Variants in ERC2 observed in about 807,000 individuals in gnomAD.
ERC2 encodes the protein ELKS/RAB6-interacting/CAST family member 2.
A neutral mutation model predicts 114.8 loss-of-function variants in ERC2; 42 were observed. The ratio of observed to expected loss-of-function variants is 0.37; its 90% CI spans 0.29 to 0.47. The LOEUF (loss-of-function observed/expected upper bound fraction) is 0.47. Ranked by LOEUF, ERC2 falls within the 20% of genes least tolerant of loss-of-function variation. ERC2 has a pLI of 0.99. For missense variants in ERC2, 939 were observed against 1,150.7 expected (o/e 0.82, Z 2.66); for synonymous variants, 454 against 425.5 (o/e 1.07, Z -0.82).
intron 17 of ERC2, among the ~76,000 whole-genome samples, chr3:55,549,444 T>C (rs1173035692): frequency 1.3e-5 from 2 of 150,624 alleles, no homozygotes; most frequent in Admixed American, 6.6e-5. Flanking sequence ...TGAGACAATA[T>C]GGAAACCAGA....
chr3:56,112,712 C>T (rs2079028459), intron 6 of ERC2, among the ~76,000 whole-genome samples: 1 of 151,776 alleles, frequency 6.6e-6, no homozygotes, highest in African/African-American at 2.4e-5. Context: ...TAGGAGAAAA[C>T]CAGGAGGGAT....
intron 10 of ERC2, among the ~76,000 whole-genome samples, chr3:55,997,884 T>TGG (rs2071663304): frequency 3.6e-5 from 1 of 28,098 alleles, no homozygotes; most frequent in African/African-American, 1.6e-4. Context: ...AATTCTGTTT[T>TGG]TTTTTTTTTT....
intron 10 of ERC2, among the ~76,000 whole-genome samples, chr3:56,002,032 T>C (rs2072113489): frequency 6.6e-6 from 1 of 152,140 alleles, no homozygotes; most frequent in Non-Finnish European, 1.5e-5. Context: ...TATTTTTTGC[T>C]TCTCTGCTAA....
chr3:56,018,751 T>C, intron 8 of ERC2, 143 bp downstream of exon 8: 1 of 841,824 alleles, frequency 1.2e-6, no homozygotes, highest in Non-Finnish European at 1.8e-6. Flanking sequence ...AGAGGGCTTG[T>C]GTGGGAAGAA....
chr3:56,308,895 C>G (rs1040131901), intron 2 of ERC2, among the ~76,000 whole-genome samples: 4 of 152,098 alleles, frequency 2.6e-5, no homozygotes, highest in Admixed American at 6.5e-5. Flanking sequence ...GCCTGCTTTA[C>G]TTCTCCTGTG....
At chr3:56,140,122 T>C (rs1408192270) in intron 5 of ERC2, among the ~76,000 whole-genome samples, 1 of 152,138 alleles carries the variant, frequency 6.6e-6, no homozygotes, top group African/African-American at 2.4e-5. Context: ...AAAAAACAAG[T>C]AAGCACTGGG....
chr3:56,093,598 C>T (rs2077905102), intron 6 of ERC2, among the ~76,000 whole-genome samples: 1 of 152,002 alleles, frequency 6.6e-6, no homozygotes, highest in African/African-American at 2.4e-5. Flanking sequence ...TAAATTCATG[C>T]GTGGAAAACA....
chr3:55,848,937 G>A (rs548054087), intron 14 of ERC2, among the ~76,000 whole-genome samples: 1 of 152,024 alleles, frequency 6.6e-6, no homozygotes, highest in African/African-American at 2.4e-5. Flanking sequence ...TTTTTTTGTT[G>A]TTGTTGTTCA....
At chr3:55,578,822 C>T (rs1304680099) in intron 17 of ERC2, among the ~76,000 whole-genome samples, 1 of 152,094 alleles carries the variant, frequency 6.6e-6, no homozygotes, top group Non-Finnish European at 1.5e-5. Context: ...TGGCTGTGAC[C>T]TGGTCTAGGG....
intron 5 of ERC2, among the ~76,000 whole-genome samples, chr3:56,147,348 T>C (rs1350123470): frequency 6.6e-6 from 1 of 152,106 alleles, no homozygotes; most frequent in Non-Finnish European, 1.5e-5. Flanking sequence ...CACTGGACAG[T>C]CCCCTCATAT....
At chr3:55,862,211 C>T (rs1553708408) in intron 14 of ERC2, among the ~76,000 whole-genome samples, 2 of 152,058 alleles carry the variant, frequency 1.3e-5, no homozygotes, top group Non-Finnish European at 2.9e-5. Context: ...TATATTCACA[C>T]ATTTTTTTTG....
intron 13 of ERC2, among the ~76,000 whole-genome samples, chr3:55,920,871 G>A (rs1340197634): frequency 6.6e-6 from 1 of 152,008 alleles, no homozygotes; most frequent in Non-Finnish European, 1.5e-5. Flanking sequence ...ACCCTATGAG[G>A]TTATCCCATT....
chr3:56,423,039 T>G (rs1355342756), intron 2 of ERC2, among the ~76,000 whole-genome samples: 1 of 152,258 alleles, frequency 6.6e-6, no homozygotes, highest in East Asian at 1.9e-4. Flanking sequence ...CTTACAAGAT[T>G]GACACCTATT....
rs11309251 is a variant in ERC2 at position 55,517,446 on chromosome 3, CAAAA to C, written c.*40-6174_*40-6171del. ...TGGGTGACGGAGTAAGACTCCGTCT[CAAAA>C]AAAAAAAAAAAAAAAAAAAATTATC... On this transcript the variant is annotated intron_variant, in intron 17 of 17. Transcript: ENST00000288221. 3.2e-4 allele frequency among the ~76,000 whole-genome samples: 29 copies of C among 90,122 alleles called. No individual in the cohort carries two copies. In the South Asian group the frequency reaches 4.1e-3, roughly 13 times the overall value. 59.1% of individuals were successfully genotyped at this position (90,122 alleles called of 152,430 possible).
In ERC2 at chr3:56,323,637, T is replaced by C. The variant is rs567021345; in HGVS notation, c.658-27202A>G. Among the ~76,000 whole-genome samples, 21 of 152,244 alleles carry C rather than the reference T, an allele frequency of 1.4e-4. 1 individual carries two copies. Among genetic ancestry groups the C allele is most frequent in the African/African-American group, 3.1e-4 (13 of 41,546 alleles). On this transcript the variant is annotated intron_variant, in intron 2 of 17. Coordinates refer to ENST00000288221, the MANE Select transcript of ERC2 (RefSeq NM_015576.3). ...TTTGGGGCTGATTATTACACTGCAA[T>C]AGATAACTGATAAACAAGATGTCAA...
At chr3:55,875,385 A>G (rs776413845) in intron 14 of ERC2, among the ~76,000 whole-genome samples, 43 of 152,206 alleles carry the variant, frequency 2.8e-4, no homozygotes, top group Non-Finnish European at 1.5e-4. Context: ...GTGAAGCATC[A>G]GGGGTGAGGT....
At chr3:56,369,769 C>T (rs1302261850) in intron 2 of ERC2, among the ~76,000 whole-genome samples, 4 of 152,072 alleles carry the variant, frequency 2.6e-5, no homozygotes, top group African/African-American at 9.7e-5. Context: ...CTCTGCCTCC[C>T]GGATTCAAGC....
chr3:56,424,958 C>T lies in ERC2; in HGVS notation c.657+9393G>A, dbSNP rs571301908. ...TAAAATGAAACACCTTACACACAGA[C>T]GCAACATATGATTGACTTCTTAAGT... is the stretch of plus-strand genomic sequence containing the variant. On this transcript the variant is annotated intron_variant, in intron 2 of 17. Coordinates refer to ENST00000288221, the MANE Select transcript of ERC2 (RefSeq NM_015576.3). Among the ~76,000 whole-genome samples the T allele has an allele frequency of 9.9e-5, 15 of 152,284 alleles. No homozygotes were observed. In the South Asian group the frequency reaches 1.5e-3, roughly 15 times the overall value.
intron 2 of ERC2, among the ~76,000 whole-genome samples, chr3:56,331,260 T>G (rs190841931): frequency 3.0e-4 from 46 of 152,294 alleles, no homozygotes; most frequent in Non-Finnish European, 2.1e-4. Flanking sequence ...TGTCTAAGTC[T>G]TTGATCTGCC....
Sources: allele counts gnomAD v4.1 joint callset (sites outside exome capture counted in the v4.1 genomes callset), GRCh38; gene constraint gnomAD v4.1.1; transcripts MANE v1.5; gene names NCBI Gene and HGNC (gene_info 2026-07-23, HGNC 2026-07-21).